UBE4A: variants seen among roughly 807,000 people sequenced by gnomAD.
UBE4A encodes ubiquitination factor E4A, also known as ubiquitin conjugation factor E4 A.
UBE4A carries 48 observed loss-of-function variants against 117.9 expected under a neutral mutation model. That is an observed-to-expected ratio of 0.41 (90% CI 0.32 to 0.52). UBE4A has a LOEUF of 0.52. UBE4A is among the 20% of genes least tolerant of loss of function. The pLI is 0.33. For missense variants in UBE4A, 1,067 were observed against 1,296.3 expected, an observed-to-expected ratio of 0.82 and a Z score of 2.72; for synonymous variants, 407 against 450.0, an observed-to-expected ratio of 0.90 and a Z score of 1.21.
rs1242668254 is a variant in UBE4A at position 118,378,476 on chromosome 11, C to T, written c.1572-970C>T. 3.3e-5 allele frequency: 5 copies of T among 152,232 alleles called. No individual in the cohort carries two copies. In the East Asian group the frequency reaches 9.6e-4, roughly 29 times the overall value. The allele number at this position is 152,232 out of a possible 1,614,324, so 9.4% of individuals were successfully genotyped here. On this transcript the variant is annotated intron_variant, in intron 10 of 19. Coordinates refer to ENST00000252108, the MANE Select transcript of UBE4A (RefSeq NM_001204077.2). ...TATTCATTATTCTGTAATTTGTTTTCCTCTGATTTAGCTGATTATGACAGG... is the reference window on the plus strand; with the variant it reads ...TATTCATTATTCTGTAATTTGTTTTTCTCTGATTTAGCTGATTATGACAGG...
rs990780431 is a variant in UBE4A, at chr11:118,365,223, A to G, written c.121+22A>G. The G allele has an allele frequency of 1.3e-5, 20 of 1,569,002 alleles. No homozygotes were observed. In the Admixed American group the frequency reaches 1.9e-4, roughly 15 times the overall value. Reference sequence around the variant, plus strand: ...TCTGGTAAGTGGAGGAGCCAATAGCAGCAAATAAGATGACCTAGAATGGGG... The same window carrying G: ...TCTGGTAAGTGGAGGAGCCAATAGCGGCAAATAAGATGACCTAGAATGGGG... On this transcript the variant is annotated intron_variant, in intron 2 of 19. Transcript: ENST00000252108.
chr11:118,396,416 A>G lies in UBE4A; in HGVS notation c.3177A>G (p.Lys1059=). The change falls in exon 20 of 20, where the codon AAA becomes AAG. Residue 1059 remains lysine (K), a synonymous_variant. Transcript: ENST00000252108. ...EKIQRWLAER[K]QQKEQLE is the part of the protein sequence containing the mutation. Reference sequence around the variant, plus strand: ...TCCAACGGTGGCTTGCAGAGAGGAAACAACAAAAGGAGCAACTTGAATAGA... The same window carrying G: ...TCCAACGGTGGCTTGCAGAGAGGAAGCAACAAAAGGAGCAACTTGAATAGA... 6.2e-7 allele frequency: 1 copy of G among 1,613,994 alleles called. No individual in the cohort carries two copies. The highest frequency in any genetic ancestry group is 2.2e-5 in the East Asian group (1 of 44,866).
intron 13 of UBE4A, among the ~76,000 whole-genome samples, chr11:118,383,682 A>G (rs1555126719): frequency 1.3e-5 from 2 of 151,980 alleles, no homozygotes; most frequent in African/African-American, 4.8e-5. Flanking sequence ...CCCTGTCTCA[A>G]TCAGTAAATA....
intron 4 of UBE4A, among the ~76,000 whole-genome samples, 158 bp from the exon 5 acceptor site, chr11:118,371,356 T>G (rs545127460): frequency 5.9e-5 from 9 of 152,358 alleles, no homozygotes; most frequent in African/African-American, 2.2e-4. Flanking sequence ...TCTAAAATTT[T>G]CTAAAGTAAA....
In UBE4A at chr11:118,389,882, C is replaced by G; in HGVS notation, c.2745C>G (p.Ile915Met). Residue 915 changes from isoleucine to methionine, a missense_variant, in exon 17 of 20, where the codon ATC (isoleucine) becomes ATG (methionine). Ile to Met is a conservative substitution (Grantham distance 10). Around this residue, in one of 3 missense-constraint regions of UBE4A, gnomAD observed 1,001 missense variants for 1,184.0 expected, o/e 0.85. Transcript: ENST00000252108. ...DFKPQQLVSD[I>M]CTIYLNLGDE... ...AACCCCAGCAGCTTGTATCAGATATCTGCACTATCTACTTAAATCTTGGGT... is the reference window on the plus strand; with the variant it reads ...AACCCCAGCAGCTTGTATCAGATATGTGCACTATCTACTTAAATCTTGGGT... 1 of 1,605,054 alleles carries G rather than the reference C, an allele frequency of 6.2e-7. No individual in the cohort carries two copies. The highest frequency in any genetic ancestry group is 8.5e-7 in the Non-Finnish European group (1 of 1,172,804).
At chr11:118,384,562 G>A in intron 13 of UBE4A, 73 bp from the exon 14 acceptor site, 1 of 1,372,312 alleles carries the variant, frequency 7.3e-7, no homozygotes, top group Non-Finnish European at 1.0e-6. Context: ...CAAAGCAAAT[G>A]GCTACACATA....
At position 118,389,707 on chromosome 11, in the gene UBE4A, C is replaced by T. The variant is rs782124613; in HGVS notation, c.2588-18C>T. The T allele has an allele frequency of 1.3e-6, 2 of 1,566,570 alleles. No homozygotes were observed. The highest frequency in any genetic ancestry group is 1.2e-5 in the South Asian group (1 of 86,122). The stretch of plus-strand genomic sequence containing the variant: ...TGCTAATGGATTGAGTTTTCAGAGA[C>T]TTTGGATTCTTTTCCAGAGATCAAG... On this transcript the variant is annotated intron_variant, in intron 16 of 19. Coordinates refer to ENST00000252108, the MANE Select transcript of UBE4A (RefSeq NM_001204077.2).
intron 11 of UBE4A, among the ~76,000 whole-genome samples, chr11:118,380,872 G>A (rs1555126231): frequency 6.6e-6 from 1 of 152,116 alleles, no homozygotes; most frequent in East Asian, 1.9e-4. Context: ...CAGAGCAAGT[G>A]ACCAAAATGG....
chr11:118,386,013 A>G (rs1257108755), intron 15 of UBE4A, among the ~76,000 whole-genome samples: 1 of 152,202 alleles, frequency 6.6e-6, no homozygotes, highest in East Asian at 1.9e-4. Flanking sequence ...CGCATCTTGC[A>G]TATGTGATAG....
At chr11:118,374,645 C>T (rs1948635532) in intron 8 of UBE4A, among the ~76,000 whole-genome samples, 1 of 152,096 alleles carries the variant, frequency 6.6e-6, no homozygotes, top group Non-Finnish European at 1.5e-5. Flanking sequence ...ATTGTCTAGC[C>T]CTTTGCAGAA....
At chr11:118,376,499 T>C in intron 9 of UBE4A, 75 bp from the exon 10 acceptor site, 2 of 1,553,694 alleles carry the variant, frequency 1.3e-6, no homozygotes, top group South Asian at 1.2e-5. Context: ...GCTAACAGTA[T>C]GGAAATTGAA....
intron 1 of UBE4A, among the ~76,000 whole-genome samples, chr11:118,363,110 T>G (rs1565528006): frequency 6.6e-6 from 1 of 152,220 alleles, no homozygotes; most frequent in East Asian, 1.9e-4. Context: ...CTTGGTGTTT[T>G]TACATTAACT....
intron 4 of UBE4A, 108 bp downstream of exon 4, chr11:118,369,643 T>A: frequency 9.8e-6 from 6 of 611,474 alleles, no homozygotes; most frequent in East Asian, 3.0e-5. Flanking sequence ...TCCATCCCTC[T>A]CTCTTTTTTT....
chr11:118,386,781 A>G (rs970364141), intron 16 of UBE4A, among the ~76,000 whole-genome samples, 169 bp downstream of exon 16: 7 of 152,200 alleles, frequency 4.6e-5, no homozygotes, highest in African/African-American at 1.7e-4. Context: ...GATGATGCCC[A>G]TTGTTGACAT....
intron 17 of UBE4A, 87 bp from the exon 18 acceptor site, chr11:118,390,570 G>T: frequency 8.9e-7 from 1 of 1,129,052 alleles, no homozygotes; most frequent in East Asian, 3.0e-5. Context: ...TTTAAGTGGT[G>T]AGAATGCTTG....
At chr11:118,396,244 G>A in intron 19 of UBE4A, 70 bp from the exon 20 acceptor site, 5 of 1,544,808 alleles carry the variant, frequency 3.2e-6, no homozygotes, top group Non-Finnish European at 4.3e-6. Flanking sequence ...ACGCCCAGGT[G>A]TTCTGTTTTT....
chr11:118,393,773 T>C (rs1021159370), intron 19 of UBE4A, among the ~76,000 whole-genome samples: 1 of 152,082 alleles, frequency 6.6e-6, no homozygotes, highest in African/African-American at 2.4e-5. Flanking sequence ...TTTTTGTATT[T>C]GTAATAGAGA....
chr11:118,363,393 A>G (rs1021876459), intron 1 of UBE4A, among the ~76,000 whole-genome samples: 3 of 152,022 alleles, frequency 2.0e-5, no homozygotes, highest in African/African-American at 7.2e-5. Flanking sequence ...AATCCAAATA[A>G]CAGTTCAATT....
rs557040106 is a variant in UBE4A, at chr11:118,370,032, C to T, written c.408+497C>T. On this transcript the variant is annotated intron_variant, in intron 4 of 19. Transcript: ENST00000252108. ...GTTTAAACCCAGGAGGCGGAGGTTG[C>T]AATGAGCCGAGATCATACCACTGCA... Among the ~76,000 whole-genome samples the T allele has an allele frequency of 6.6e-4, 100 of 151,378 alleles. 1 individual carries two copies. The Middle Eastern group carries it at 0.024, about 36-fold the overall frequency.
Sources: gnomAD v4.1 joint callset for allele counts (sites outside exome capture counted in the v4.1 genomes callset) on GRCh38, gnomAD v4.1.1 for gene constraint, gnomAD v4.1.1 regional missense constraint, MANE v1.5 for transcripts, NCBI Gene and HGNC (gene_info 2026-07-23, HGNC 2026-07-21) for gene names.